The following CMIP variants were observed in gnomAD, a reference collection of about 807,000 sequenced individuals.
CMIP encodes c-Maf inducing protein.
CMIP carries 13 observed loss-of-function variants against 97.3 expected under a neutral mutation model. The observed-to-expected ratio is 0.13, with a 90% CI of 0.09 to 0.21. The LOEUF (loss-of-function observed/expected upper bound fraction) is 0.21, where lower values mean the gene tolerates loss of function less well. Ranked by LOEUF, CMIP falls within the 10% of genes least tolerant of loss-of-function variation. The pLI is 1.00. For missense variants in CMIP, 847 were observed against 1,024.9 expected (o/e 0.83, Z 2.37); for synonymous variants, 538 against 436.3 (o/e 1.23, Z -2.91).
intron 1 of CMIP, among the ~76,000 whole-genome samples, chr16:81,596,853 C>G (rs563102904): frequency 6.6e-6 from 1 of 152,218 alleles, no homozygotes; most frequent in African/African-American, 2.4e-5. Context: ...ACAGCACAGA[C>G]TCAGGTGCAC....
In CMIP at chr16:81,693,200, C is replaced by T; in HGVS notation, c.1481+16C>T. 1 of 1,608,868 alleles carries T rather than the reference C, an allele frequency of 6.2e-7. No homozygotes were observed. The highest frequency in any genetic ancestry group is 8.5e-7 in the Non-Finnish European group (1 of 1,175,912). On this transcript the variant is annotated intron_variant, in intron 12 of 20. Coordinates refer to ENST00000537098, the MANE Select transcript of CMIP (RefSeq NM_198390.3). ...AGTTCACCAAGTGAGTGTCTGGGCA[C>T]CGCCCTCATTCCATTCTGGCACGCA...
intron 1 of CMIP, among the ~76,000 whole-genome samples, chr16:81,487,350 G>C (rs775664423): frequency 6.6e-6 from 1 of 152,210 alleles, no homozygotes; most frequent in Non-Finnish European, 1.5e-5. Context: ...TGAGGAACCC[G>C]CTTCAAACCT....
rs1329756874 is a variant in CMIP, at chr16:81,459,015, T to TTAC, written c.300+13474_300+13475insTAC. Among the ~76,000 whole-genome samples, 5 of 135,480 alleles carry TTAC rather than the reference T, an allele frequency of 3.7e-5. No individual in the cohort carries two copies. The East Asian group carries it at 7.8e-4, about 21-fold the overall frequency. The allele number at this position is 135,480 out of a possible 152,430, so 88.9% of individuals were successfully genotyped here. ...ATCACTGTCACCATCACCGTCACCGTCACCATCACTGTCACCATCACCATC... is the reference window on the plus strand; with the variant it reads ...ATCACTGTCACCATCACCGTCACCGTTACCACCATCACTGTCACCATCACCATC... On this transcript the variant is annotated intron_variant, in intron 1 of 20. Transcript: ENST00000537098.
intron 1 of CMIP, among the ~76,000 whole-genome samples, chr16:81,450,094 G>T (rs1281421889): frequency 2.0e-5 from 3 of 152,188 alleles, no homozygotes; most frequent in Non-Finnish European, 2.9e-5. Context: ...CAGTGAGAGG[G>T]CATTTCTGGG....
At chr16:81,475,922 G>T in intron 1 of CMIP, 1 of 402,872 alleles carries the variant, frequency 2.5e-6, no homozygotes, top group Non-Finnish European at 4.7e-6. Flanking sequence ...GGGAGGCAGA[G>T]CTTGCAGTGA....
At chr16:81,456,055 A>G (rs956878751) in intron 1 of CMIP, among the ~76,000 whole-genome samples, 1 of 152,192 alleles carries the variant, frequency 6.6e-6, no homozygotes, top group African/African-American at 2.4e-5. Context: ...ACTTGTTGAC[A>G]TCTGTTTGTC....
intron 3 of CMIP, among the ~76,000 whole-genome samples, chr16:81,642,630 C>G (rs185842462): frequency 6.6e-6 from 1 of 152,128 alleles, no homozygotes; most frequent in African/African-American, 2.4e-5. Context: ...AGTTCATCAG[C>G]GGATTAACAA....
At chr16:81,661,009 G>T (rs982978941) in intron 6 of CMIP, 63 bp downstream of exon 6, 3 of 1,603,100 alleles carry the variant, frequency 1.9e-6, no homozygotes, top group Non-Finnish European at 2.6e-6. Flanking sequence ...GCGCATACCA[G>T]GGATTGGGTT....
intron 9 of CMIP, among the ~76,000 whole-genome samples, chr16:81,677,197 G>C (rs1383013090): frequency 6.6e-6 from 1 of 152,132 alleles, no homozygotes; most frequent in African/African-American, 2.4e-5. Context: ...CTTCCTGGAG[G>C]AGGGGACCTG....
intron 5 of CMIP, among the ~76,000 whole-genome samples, chr16:81,660,561 C>T (rs2092534068): frequency 6.6e-6 from 1 of 152,168 alleles, no homozygotes; most frequent in Non-Finnish European, 1.5e-5. Flanking sequence ...AGGCATGAGC[C>T]ACTGCGCCCA....
intron 3 of CMIP, among the ~76,000 whole-genome samples, chr16:81,622,533 C>T (rs2092006269): frequency 6.6e-6 from 1 of 152,006 alleles, no homozygotes; most frequent in Non-Finnish European, 1.5e-5. Context: ...CACCTCTTCC[C>T]TTCCCCATGG....
At chr16:81,676,506 G>A (rs779082199) in intron 9 of CMIP, among the ~76,000 whole-genome samples, 14 of 151,964 alleles carry the variant, frequency 9.2e-5, no homozygotes, top group Non-Finnish European at 1.8e-4. Context: ...ACCCAGCAAC[G>A]GCAAACAAAG....
chr16:81,501,535 G>C (rs1218120639), intron 1 of CMIP, among the ~76,000 whole-genome samples: 1 of 152,068 alleles, frequency 6.6e-6, no homozygotes, highest in Non-Finnish European at 1.5e-5. Context: ...GTAGCTGGGG[G>C]TGGAGTGGGG....
At chr16:81,575,897 C>T (rs2091180593) in intron 1 of CMIP, among the ~76,000 whole-genome samples, 1 of 152,120 alleles carries the variant, frequency 6.6e-6, no homozygotes, top group Non-Finnish European at 1.5e-5. Flanking sequence ...TTGACAAACA[C>T]TTGGATACAT....
At chr16:81,649,763 C>T (rs116413284) in intron 3 of CMIP, among the ~76,000 whole-genome samples, 294 of 152,266 alleles carry the variant, frequency 1.9e-3, no homozygotes, top group African/African-American at 5.9e-3. Flanking sequence ...ATGTAAGACA[C>T]GGGTGTGGAT....
intron 1 of CMIP, among the ~76,000 whole-genome samples, chr16:81,472,787 G>A (rs1907637282): frequency 6.6e-6 from 1 of 152,186 alleles, no homozygotes; most frequent in Non-Finnish European, 1.5e-5. Flanking sequence ...AGAGGCCCTG[G>A]GGTGGCTGAG....
Position 81,465,413 on chromosome 16 carries a change from G to A in CMIP, c.300+19872G>A, listed in dbSNP as rs146315750. Among the ~76,000 whole-genome samples, 1,462 of 152,264 alleles carry A rather than the reference G, an allele frequency of 9.6e-3. 34 individuals carry two copies. The highest frequency in any genetic ancestry group is 0.033 in the African/African-American group (1,385 of 41,532). Reference sequence around the variant, plus strand: ...CCACCAGGTTGCGTCCTTGATAGGGGCAGGATGCACCCCGTGTCTGACGCT... The same window carrying A: ...CCACCAGGTTGCGTCCTTGATAGGGACAGGATGCACCCCGTGTCTGACGCT... On this transcript the variant is annotated intron_variant, in intron 1 of 20. Transcript: ENST00000537098.
At chr16:81,568,041 T>TGTG (rs1555531353) in intron 1 of CMIP, among the ~76,000 whole-genome samples, 3,528 of 29,274 alleles carry the variant, frequency 0.12, 47 homozygotes, top group East Asian at 0.29. Context: ...GTGTGTGTGT[T>TGTG]TTTTTTTTTT....
rs1165602801 is a variant in CMIP, at chr16:81,607,695, A to G, written c.426+3A>G. 58 of 1,612,924 alleles carry G rather than the reference A, an allele frequency of 3.6e-5. No individual in the cohort carries two copies. Among genetic ancestry groups the G allele is most frequent in the Non-Finnish European group, 4.6e-5 (54 of 1,179,104 alleles). On this transcript the variant is annotated splice_donor_region_variant and intron_variant, in intron 2 of 20. Coordinates refer to ENST00000537098, the MANE Select transcript of CMIP (RefSeq NM_198390.3). ...CTGGGGGAACTGTCTTACTGCAGGT[A>G]GGAGAAATAAACATGAACAAGCAGT...
Sources: gnomAD v4.1 joint callset for allele counts (sites outside exome capture counted in the v4.1 genomes callset) on GRCh38, gnomAD v4.1.1 for gene constraint, MANE v1.5 for transcripts, NCBI Gene and HGNC (gene_info 2026-07-23, HGNC 2026-07-21) for gene names.